TRDN: variants seen among roughly 807,000 people sequenced by gnomAD.
TRDN encodes the protein triadin in skeletal muscle.
A neutral mutation model predicts 149.7 loss-of-function variants in TRDN; 161 were observed. The ratio of observed to expected loss-of-function variants is 1.08; its 90% CI spans 0.95 to 1.23. The LOEUF (loss-of-function observed/expected upper bound fraction) is 1.23. Ranked by LOEUF, TRDN falls within the 50% of genes most tolerant of loss-of-function variation. The probability of loss-of-function intolerance (pLI) is 0.00; values close to 1 mark genes in which losing one functional copy is unlikely to be tolerated. For missense variants in TRDN, 896 were observed against 823.5 expected (o/e 1.09, Z -1.08); for synonymous variants, 294 against 250.5 (o/e 1.17, Z -1.64).
At chr6:123,592,585 T>C (rs369958592) in intron 1 of TRDN, among the ~76,000 whole-genome samples, 12 of 151,908 alleles carry the variant, frequency 7.9e-5, no homozygotes, top group African/African-American at 2.7e-4. Flanking sequence ...AGGATTTTAC[T>C]GGGAAAAAAA....
chr6:123,582,341 C>G (rs146586274), intron 1 of TRDN, among the ~76,000 whole-genome samples: 1 of 152,172 alleles, frequency 6.6e-6, no homozygotes, highest in Admixed American at 6.5e-5. Flanking sequence ...GGATTTCATG[C>G]GCGTCCGTGT....
intron 1 of TRDN, among the ~76,000 whole-genome samples, chr6:123,600,024 C>G (rs1784210882): frequency 6.6e-6 from 1 of 151,994 alleles, no homozygotes; most frequent in Non-Finnish European, 1.5e-5. Flanking sequence ...CTAGAAGCTT[C>G]TCATATTCAT....
In TRDN at chr6:123,225,553, C is replaced by T. The variant is rs78860796; in HGVS notation, c.1976-1422G>A. On this transcript the variant is annotated intron_variant, in intron 38 of 40. Transcript: ENST00000334268. ...ACACACATACACACACATACACACA[C>T]ACAGAATGGTGGTAACTACGTGAGG... Among the ~76,000 whole-genome samples, 467 of 149,774 alleles carry T rather than the reference C, an allele frequency of 3.1e-3. 18 individuals carry two copies. In the East Asian group the frequency reaches 0.076, roughly 24 times the overall value.
intron 24 of TRDN, among the ~76,000 whole-genome samples, chr6:123,311,612 C>G (rs762854532): frequency 6.6e-6 from 1 of 151,956 alleles, no homozygotes; most frequent in Non-Finnish European, 1.5e-5. Context: ...AATTCAGTCT[C>G]TAGATCAGTA....
intron 20 of TRDN, among the ~76,000 whole-genome samples, chr6:123,356,156 G>A (rs567082872): frequency 1.1e-4 from 16 of 151,632 alleles, no homozygotes; most frequent in Admixed American, 4.6e-4. Context: ...CCACTATGGT[G>A]TGTGATAGAA....
chr6:123,446,536 G>T (rs917891660), intron 10 of TRDN, among the ~76,000 whole-genome samples: 7 of 135,502 alleles, frequency 5.2e-5, no homozygotes, highest in African/African-American at 1.9e-4. Context: ...AGTGAGCTGA[G>T]ATTGTGCCAC....
intron 32 of TRDN, among the ~76,000 whole-genome samples, chr6:123,266,214 T>G (rs60646291): frequency 1.3e-4 from 3 of 23,924 alleles, no homozygotes; most frequent in Non-Finnish European, 1.5e-4. Flanking sequence ...ATTATATATA[T>G]TATAATATGT....
intron 1 of TRDN, among the ~76,000 whole-genome samples, chr6:123,579,264 G>A (rs551348071): frequency 1.8e-4 from 27 of 152,224 alleles, no homozygotes; most frequent in Admixed American, 1.2e-3. Context: ...TCAGTATGAC[G>A]TTGGCTGTGG....
intron 4 of TRDN, among the ~76,000 whole-genome samples, chr6:123,533,126 A>G (rs1402644527): frequency 6.6e-6 from 1 of 152,170 alleles, no homozygotes; most frequent in Non-Finnish European, 1.5e-5. Flanking sequence ...TACTCCTAGT[A>G]GGTATTAATT....
rs1583162582 is a variant in TRDN at position 123,506,834 on chromosome 6, G to C, written c.611-2933C>G. Among the ~76,000 whole-genome samples the C allele has an allele frequency of 2.6e-5, 4 of 152,102 alleles. 1 individual carries two copies. Among genetic ancestry groups the C allele is most frequent in the Admixed American group, 2.6e-4 (4 of 15,264 alleles). On this transcript the variant is annotated intron_variant, in intron 7 of 40. Coordinates refer to ENST00000334268, the MANE Select transcript of TRDN (RefSeq NM_006073.4). ...TTGAATTAATAATGTCTTCCCATGA[G>C]CTTCCATTTTTCTGAATTTTTATTA... is the stretch of plus-strand genomic sequence containing the variant.
chr6:123,322,666 G>A (rs990399659), intron 23 of TRDN, among the ~76,000 whole-genome samples: 10 of 144,942 alleles, frequency 6.9e-5, no homozygotes, highest in South Asian at 2.3e-4. Context: ...TTTTTGAGAC[G>A]GAGTCTCACT....
At chr6:123,539,244 G>A (rs540122896) in intron 4 of TRDN, among the ~76,000 whole-genome samples, 1 of 152,142 alleles carries the variant, frequency 6.6e-6, no homozygotes, top group Admixed American at 6.5e-5. Context: ...ATGTGCATAA[G>A]AGTCATTAGG....
At position 123,516,054 on chromosome 6, in the gene TRDN, G is replaced by C. The variant is rs931664186; in HGVS notation, c.550+87C>G. ...ATCCTAATCTAATTTGTAAAACTGC[G>C]TGGTCATCTAAAATCTGAATGTAAA... On this transcript the variant is annotated intron_variant, in intron 6 of 40. Transcript: ENST00000334268. 2.5e-5 allele frequency: 31 copies of C among 1,237,494 alleles called. No homozygotes were observed. In the Admixed American group the frequency reaches 1.1e-3, roughly 42 times the overall value. 76.7% of individuals were successfully genotyped at this position (1,237,494 alleles called of 1,614,324 possible). A position where few individuals can be genotyped will look rare whatever the true frequency, so the allele number is the denominator to read the frequency against.
At chr6:123,613,744 T>C (rs533064507) in intron 1 of TRDN, among the ~76,000 whole-genome samples, 48 of 152,292 alleles carry the variant, frequency 3.2e-4, no homozygotes, top group East Asian at 7.7e-4. Context: ...AAAAGTATCA[T>C]TGAAAGGTGA....
intron 13 of TRDN, among the ~76,000 whole-genome samples, chr6:123,390,608 G>T (rs1317420024): frequency 6.6e-6 from 1 of 152,042 alleles, no homozygotes; most frequent in Non-Finnish European, 1.5e-5. Flanking sequence ...TACCAAGCTG[G>T]ATTCCAGGCC....
intron 12 of TRDN, among the ~76,000 whole-genome samples, chr6:123,407,120 G>A (rs1027081281): frequency 2.0e-5 from 3 of 152,072 alleles, no homozygotes; most frequent in Admixed American, 6.6e-5. Flanking sequence ...AGACACCATT[G>A]TTTTATTATC....
intron 20 of TRDN, among the ~76,000 whole-genome samples, chr6:123,356,264 T>A (rs1449898765): frequency 1.3e-5 from 2 of 151,546 alleles, no homozygotes; most frequent in East Asian, 3.9e-4. Context: ...TTTTTGCAGA[T>A]GTTTTATCAG....
chr6:123,622,318 GACAC>G (rs67160946), intron 1 of TRDN, among the ~76,000 whole-genome samples: 248 of 123,676 alleles, frequency 2.0e-3, no homozygotes, highest in African/African-American at 4.1e-3. Flanking sequence ...TATATATACA[GACAC>G]ACACACACAC....
chr6:123,332,129 T>C (rs1779681447), intron 22 of TRDN, among the ~76,000 whole-genome samples, 200 bp from the exon 23 acceptor site: 1 of 152,068 alleles, frequency 6.6e-6, no homozygotes, highest in Admixed American at 6.6e-5. Context: ...TGATCATTTT[T>C]CCTTGGCACA....
Sources: gnomAD v4.1 joint callset for allele counts (sites outside exome capture counted in the v4.1 genomes callset) on GRCh38, gnomAD v4.1.1 for gene constraint, MANE v1.5 for transcripts, NCBI Gene and HGNC (gene_info 2026-07-23, HGNC 2026-07-21) for gene names.